The following ARHGAP44 variants were observed in gnomAD, a reference collection of about 807,000 sequenced individuals.
The protein encoded by ARHGAP44 is Rho GTPase activating protein 44.
ARHGAP44 carries 43 observed loss-of-function variants against 106.8 expected under a neutral mutation model. The observed-to-expected ratio is 0.40, with a 90% CI of 0.32 to 0.52. ARHGAP44 has a LOEUF of 0.52. Among genes scored for constraint, ARHGAP44 ranks in the 20% least tolerant of loss-of-function variants. The pLI, the probability that ARHGAP44 is intolerant of heterozygous loss-of-function variation, is 0.48. For missense variants in ARHGAP44, 866 were observed against 1,050.5 expected, an observed-to-expected ratio of 0.82 and a Z score of 2.43; for synonymous variants, 439 against 410.3, an observed-to-expected ratio of 1.07 and a Z score of -0.85.
chr17:12,987,931 T>C (rs2040000409), intron 20 of ARHGAP44: 1 of 152,208 alleles, frequency 6.6e-6, no homozygotes, highest in Admixed American at 6.5e-5. Context: ...AGAAGGACTT[T>C]GGTGTATTTG....
chr17:12,858,672 G>A (rs1470731169), intron 1 of ARHGAP44, among the ~76,000 whole-genome samples: 1 of 152,176 alleles, frequency 6.6e-6, no homozygotes, highest in Non-Finnish European at 1.5e-5. Flanking sequence ...CTGTGGATGT[G>A]AGCTTATTTG....
chr17:12,855,615 A>G (rs2035884885), intron 1 of ARHGAP44, among the ~76,000 whole-genome samples: 1 of 152,012 alleles, frequency 6.6e-6, no homozygotes, highest in African/African-American at 2.4e-5. Flanking sequence ...TGGATATCCA[A>G]TTGCCCCAAA....
At chr17:12,975,102 G>A (rs184955139) in intron 18 of ARHGAP44, among the ~76,000 whole-genome samples, 4 of 151,844 alleles carry the variant, frequency 2.6e-5, no homozygotes, top group Non-Finnish European at 4.4e-5. Flanking sequence ...CACCCGCCTC[G>A]GCCTCCCAAA....
Position 12,958,934 on chromosome 17 carries a change from AG to A in ARHGAP44, c.1523+41del. On this transcript the variant is annotated intron_variant, in intron 16 of 20. Coordinates refer to ENST00000379672, the MANE Select transcript of ARHGAP44 (RefSeq NM_014859.6). This position sits in a 1 kb window ranked among gnomAD's most constrained non-coding sequence, Gnocchi z 4.1. ...TGTCTCTTTCTCAGCACTGGGGATTAGGGGAGGTGGTGGGGGTGGATGGGTG... is the reference window on the plus strand; with the variant it reads ...TGTCTCTTTCTCAGCACTGGGGATTAGGGAGGTGGTGGGGGTGGATGGGTG... 6.3e-7 allele frequency: 1 copy of A among 1,579,516 alleles called. No individual in the cohort carries two copies.
At chr17:12,916,808 T>C (rs2037930738) in intron 5 of ARHGAP44, among the ~76,000 whole-genome samples, 1 of 152,212 alleles carries the variant, frequency 6.6e-6, no homozygotes, top group South Asian at 2.1e-4. Flanking sequence ...AAGTGAAAGC[T>C]TCTCACGGGA....
At chr17:12,890,610 A>C (rs553836726) in intron 1 of ARHGAP44, among the ~76,000 whole-genome samples, 38 of 152,302 alleles carry the variant, frequency 2.5e-4, no homozygotes, top group African/African-American at 9.1e-4. Flanking sequence ...AAGATCTCTG[A>C]AATATCTTGG....
chr17:12,898,841 T>A (rs886847268), intron 3 of ARHGAP44, among the ~76,000 whole-genome samples: 1 of 152,332 alleles, frequency 6.6e-6, no homozygotes. Context: ...CAGTGGTTGT[T>A]ACCAGGCTCT....
At chr17:12,879,179 C>T (rs140348360) in intron 1 of ARHGAP44, among the ~76,000 whole-genome samples, 487 of 152,290 alleles carry the variant, frequency 3.2e-3, no homozygotes, top group Non-Finnish European at 5.2e-3. Context: ...TATGCCTTTG[C>T]ATCCTCATAG....
At chr17:12,842,440 AAAAAG>A (rs797015804) in intron 1 of ARHGAP44, among the ~76,000 whole-genome samples, 6 of 133,088 alleles carry the variant, frequency 4.5e-5, no homozygotes, top group East Asian at 2.1e-4. Flanking sequence ...AAAAGAAAGA[AAAAAG>A]AAAAGAAAAG....
chr17:12,920,375 C>CA (rs11408733), intron 6 of ARHGAP44, among the ~76,000 whole-genome samples: 47,190 of 89,112 alleles, frequency 0.53, 13,300 homozygotes, highest in Non-Finnish European at 0.61. Context: ...GACTCCATCT[C>CA]AAAAAAAAAA....
intron 1 of ARHGAP44, among the ~76,000 whole-genome samples, chr17:12,852,704 G>A (rs1302248994): frequency 6.6e-6 from 1 of 151,838 alleles, no homozygotes; most frequent in Admixed American, 6.6e-5. Flanking sequence ...ACCACGCCCG[G>A]CTAATTTTTC....
chr17:12,870,057 T>TC (rs1350005794), intron 1 of ARHGAP44, among the ~76,000 whole-genome samples: 1 of 137,364 alleles, frequency 7.3e-6, no homozygotes, highest in Non-Finnish European at 1.6e-5. Flanking sequence ...TCTTTTTTTT[T>TC]TTTTTTTTTG....
At position 12,944,059 on chromosome 17, in the gene ARHGAP44, C is replaced by T. The variant is rs1008125713; in HGVS notation, c.734-10C>T. 3.8e-6 allele frequency: 6 copies of T among 1,593,626 alleles called. No homozygotes were observed. The highest frequency in any genetic ancestry group is 4.3e-6 in the Non-Finnish European group (5 of 1,167,068). On this transcript the variant is annotated splice_polypyrimidine_tract_variant and intron_variant, in intron 9 of 20. Transcript: ENST00000379672. ...ACAGCTGACTGACTCTTTCTCACTC[C>T]TCCCCTCAGAGGCCTGGGTAGAGAA...
At chr17:12,796,631 C>G (rs750423146) in intron 1 of ARHGAP44, among the ~76,000 whole-genome samples, 7 of 150,512 alleles carry the variant, frequency 4.7e-5, no homozygotes, top group Non-Finnish European at 1.0e-4. Context: ...GAGTCTCACT[C>G]TGTCACCCAG....
chr17:12,890,121 C>G (rs1030397374), intron 1 of ARHGAP44, among the ~76,000 whole-genome samples: 5 of 152,066 alleles, frequency 3.3e-5, no homozygotes, highest in African/African-American at 1.2e-4. Context: ...GTCCCCATGG[C>G]TCCACTAGGC....
chr17:12,932,215 G>A (rs2038423034), intron 7 of ARHGAP44, among the ~76,000 whole-genome samples: 1 of 151,982 alleles, frequency 6.6e-6, no homozygotes, highest in East Asian at 1.9e-4. Context: ...TGCCAATTTG[G>A]TGAGGGAAGA....
chr17:12,968,433 T>C (rs1012538892), intron 16 of ARHGAP44, among the ~76,000 whole-genome samples: 4 of 152,196 alleles, frequency 2.6e-5, no homozygotes, highest in African/African-American at 9.6e-5. Flanking sequence ...TCCTGCGCCC[T>C]AGTGTATTTT....
intron 7 of ARHGAP44, among the ~76,000 whole-genome samples, chr17:12,930,730 G>A (rs998648059): frequency 6.6e-6 from 1 of 152,182 alleles, no homozygotes; most frequent in African/African-American, 2.4e-5. Flanking sequence ...TCGCTATTGT[G>A]CCAAAAATGT....
chr17:12,960,565 C>CAAAAAAAA (rs373750247), intron 16 of ARHGAP44, among the ~76,000 whole-genome samples: 3 of 149,480 alleles, frequency 2.0e-5, no homozygotes. Flanking sequence ...GACTCCATCT[C>CAAAAAAAA]AAAGAAAAAA....
Sources: allele counts gnomAD v4.1 joint callset (sites outside exome capture counted in the v4.1 genomes callset), GRCh38; gene constraint gnomAD v4.1.1; non-coding constraint Gnocchi (gnomAD v3.1); transcripts MANE v1.5; gene names NCBI Gene and HGNC (gene_info 2026-07-23, HGNC 2026-07-21).